The following CTNNA2 variants were observed in gnomAD, a reference collection of about 807,000 sequenced individuals.
The protein encoded by CTNNA2 is catenin alpha-2.
In CTNNA2, 42 loss-of-function variants were observed where a neutral mutation model predicts 101.0. The ratio of observed to expected loss-of-function variants is 0.42; its 90% CI spans 0.32 to 0.54. CTNNA2 has a LOEUF of 0.54. Ranked by LOEUF, CTNNA2 falls within the 20% of genes least tolerant of loss-of-function variation. The pLI is 0.14. For synonymous variants in CTNNA2, 450 were observed against 456.4 expected (o/e 0.99, Z 0.18); for missense variants, 871 against 1,223.1 (o/e 0.71, Z 4.29).
Position 80,350,446 on chromosome 2 carries a change from A to G in CTNNA2, c.1057-42765A>G, listed in dbSNP as rs75432547. 5.6e-4 allele frequency among the ~76,000 whole-genome samples: 86 copies of G among 152,296 alleles called. 2 individuals carry two copies. The East Asian group carries it at 0.011, about 20-fold the overall frequency. ...TATGCTTACTGCAAAATAATTATGT[A>G]GACATGTCAGTGTTAAAGATCAAGT... On this transcript the variant is annotated intron_variant, in intron 7 of 18. Transcript: ENST00000402739.
Position 79,430,171 on chromosome 2 carries a change from C to A in CTNNA2, c.-135+56158C>A, listed in dbSNP as rs115627440. Among the ~76,000 whole-genome samples the A allele has an allele frequency of 9.6e-3, 1,462 of 152,152 alleles. 7 individuals carry two copies. The highest frequency in any genetic ancestry group is 0.031 in the Middle Eastern group (9 of 294). ...ATGTTTTAGTCCTATAAGTCATGGT[C>A]TCTGCCTCTCTGAGTGATGATCATT... On this transcript the variant is annotated intron_variant, in intron 4 of 21. Coordinates refer to the CTNNA2 transcript ENST00000466387.
chr2:80,047,280 A>G (rs1462837771), intron 7 of CTNNA2, among the ~76,000 whole-genome samples: 1 of 152,242 alleles, frequency 6.6e-6, no homozygotes, highest in Non-Finnish European at 1.5e-5. Flanking sequence ...ATATTAGTCC[A>G]TCAGTCACAC....
chr2:79,673,545 T>C (rs1040214307), intron 2 of CTNNA2, among the ~76,000 whole-genome samples: 6 of 152,240 alleles, frequency 3.9e-5, no homozygotes, highest in African/African-American at 1.4e-4. Context: ...AACTGTTTTG[T>C]CTTCCTCTGT....
chr2:80,456,027 G>A (rs190609367), intron 9 of CTNNA2, among the ~76,000 whole-genome samples: 2 of 152,302 alleles, frequency 1.3e-5, no homozygotes, highest in Admixed American at 6.5e-5. Context: ...GCTTGCCAGT[G>A]AGAAGTTACT....
chr2:80,469,923 A>G (rs1450304853), intron 9 of CTNNA2, among the ~76,000 whole-genome samples: 1 of 152,212 alleles, frequency 6.6e-6, no homozygotes, highest in African/African-American at 2.4e-5. Context: ...CCATGTCAAT[A>G]TACCTTGAAA....
intron 7 of CTNNA2, among the ~76,000 whole-genome samples, chr2:79,956,843 G>GTTTTTTTTTTCTTTTTTT (rs1302247404): frequency 1.0e-5 from 1 of 98,936 alleles, no homozygotes; most frequent in Non-Finnish European, 1.8e-5. Context: ...ATACGTGTGG[G>GTTTTTTTTTTCTTTTTTT]TTTTTTTTTT....
chr2:79,958,276 T>A (rs1689381188), intron 7 of CTNNA2, among the ~76,000 whole-genome samples: 1 of 152,208 alleles, frequency 6.6e-6, no homozygotes, highest in African/African-American at 2.4e-5. Context: ...CATGCCCTAA[T>A]ATCTATGAAT....
intron 7 of CTNNA2, among the ~76,000 whole-genome samples, chr2:80,103,364 C>T (rs926679214): frequency 3.3e-5 from 5 of 152,092 alleles, no homozygotes; most frequent in African/African-American, 4.8e-5. Flanking sequence ...GTCTCTTAAT[C>T]GTCTTAGAAG....
chr2:79,331,653 G>C (rs1676875050), intron 3 of CTNNA2, among the ~76,000 whole-genome samples: 1 of 152,064 alleles, frequency 6.6e-6, no homozygotes, highest in Non-Finnish European at 1.5e-5. Context: ...CTGGCTCCCA[G>C]GATCCTTGGT....
In CTNNA2 at chr2:80,352,887, C is replaced by T. The variant is rs533242995; in HGVS notation, c.1057-40324C>T. Among the ~76,000 whole-genome samples, 124 of 151,596 alleles carry T rather than the reference C, an allele frequency of 8.2e-4. 1 individual carries two copies. The highest frequency in any genetic ancestry group is 2.9e-3 in the African/African-American group (120 of 41,314). ...TATATGATCCTCCACTGTAATTTCC[C>T]ATGAATTATGTCAGATCAAGAGGTT... On this transcript the variant is annotated intron_variant, in intron 7 of 18. Coordinates refer to ENST00000402739, the MANE Select transcript of CTNNA2 (RefSeq NM_001282597.3).
intron 3 of CTNNA2, among the ~76,000 whole-genome samples, chr2:79,324,242 C>T (rs1676691303): frequency 6.6e-6 from 1 of 152,166 alleles, no homozygotes; most frequent in Admixed American, 6.5e-5. Flanking sequence ...TAGGGGCACC[C>T]ACCTGGAGGC....
intron 17 of CTNNA2, among the ~76,000 whole-genome samples, chr2:80,609,809 A>G (rs1276813821): frequency 6.6e-6 from 1 of 151,736 alleles, no homozygotes; most frequent in Non-Finnish European, 1.5e-5. Flanking sequence ...CTCAGACTCC[A>G]CAACCTCATC....
intron 3 of CTNNA2, among the ~76,000 whole-genome samples, chr2:79,356,645 C>A (rs982267954): frequency 1.3e-5 from 2 of 152,150 alleles, no homozygotes; most frequent in African/African-American, 2.4e-5. Context: ...TACAACCCAA[C>A]GTCTAGTTAG....
At chr2:80,017,500 G>GTA (rs889104748) in intron 7 of CTNNA2, among the ~76,000 whole-genome samples, 3 of 151,544 alleles carry the variant, frequency 2.0e-5, no homozygotes, top group South Asian at 2.1e-4. Flanking sequence ...GTATATATGT[G>GTA]TATATATATG....
At chr2:79,922,531 T>A (rs553431574) in intron 7 of CTNNA2, among the ~76,000 whole-genome samples, 1 of 152,258 alleles carries the variant, frequency 6.6e-6, no homozygotes, top group Admixed American at 6.5e-5. Context: ...ATTGCCTTTT[T>A]TTTTCCACCG....
intron 3 of CTNNA2, among the ~76,000 whole-genome samples, chr2:79,785,032 A>G (rs1674731065): frequency 6.6e-6 from 1 of 152,168 alleles, no homozygotes; most frequent in Admixed American, 6.5e-5. Context: ...TTAAAATAAT[A>G]TGGACATGTC....
chr2:80,044,435 T>C (rs1696382407), intron 7 of CTNNA2, among the ~76,000 whole-genome samples: 1 of 152,152 alleles, frequency 6.6e-6, no homozygotes, highest in Non-Finnish European at 1.5e-5. Context: ...TATATTACCA[T>C]GGTTTTATAA....
chr2:79,440,747 T>C (rs1251758599), intron 4 of CTNNA2, among the ~76,000 whole-genome samples: 1 of 152,122 alleles, frequency 6.6e-6, no homozygotes, highest in Non-Finnish European at 1.5e-5. Flanking sequence ...GAATCTCTAA[T>C]TTATTGCCAG....
intron 7 of CTNNA2, among the ~76,000 whole-genome samples, chr2:80,124,165 G>T (rs62141435): frequency 6.6e-6 from 1 of 152,192 alleles, no homozygotes; most frequent in Admixed American, 6.5e-5. Flanking sequence ...GTCACTGAGC[G>T]AAGTCTTGGT....
Sources: gnomAD v4.1 joint callset for allele counts (sites outside exome capture counted in the v4.1 genomes callset) on GRCh38, gnomAD v4.1.1 for gene constraint, MANE v1.5 for transcripts, NCBI Gene and HGNC (gene_info 2026-07-23, HGNC 2026-07-21) for gene names.